Variants in NOTCH2NLR observed in about 807,000 individuals in gnomAD.
NOTCH2NLR encodes the protein notch 2 N-terminal like R (pseudogene).
In NOTCH2NLR, 33 loss-of-function variants were observed where a neutral mutation model predicts 35.6. The observed-to-expected ratio is 0.93, with a 90% CI of 0.70 to 1.24. The LOEUF (loss-of-function observed/expected upper bound fraction) is 1.24. Ranked by LOEUF, NOTCH2NLR falls within the 50% of genes most tolerant of loss-of-function variation. The pLI is 0.00. For synonymous variants in NOTCH2NLR, 103 were observed against 141.0 expected, an observed-to-expected ratio of 0.73 and a Z score of 1.91; for missense variants, 276 against 362.2, an observed-to-expected ratio of 0.76 and a Z score of 1.93.
In NOTCH2NLR at chr1:120,790,382, C is replaced by T. The variant is rs1427661668; in HGVS notation, c.416-2779C>T. On this transcript the variant is annotated intron_variant, in intron 3 of 4. Coordinates refer to ENST00000624419, the Ensembl canonical transcript of NOTCH2NLR. ...TTTAGGAATCATCACAGATCAAGGT[C>T]ATCCTTTTGGTTTTTGTGATAGCAC... Among the ~76,000 whole-genome samples the T allele has an allele frequency of 4.4e-5, 5 of 114,856 alleles. 2 individuals carry two copies. The highest frequency in any genetic ancestry group is 2.6e-4 in the African/African-American group (5 of 19,140). 75.3% of individuals were successfully genotyped at this position (114,856 alleles called of 152,430 possible).
At chr1:120,755,997 T>C (rs1651076387) in intron 1 of NOTCH2NLR, among the ~76,000 whole-genome samples, 1 of 112,374 alleles carries the variant, frequency 8.9e-6, no homozygotes, top group Non-Finnish European at 1.7e-5. Context: ...GACAGATGTT[T>C]CTCCACTTCG....
intron 1 of NOTCH2NLR, among the ~76,000 whole-genome samples, chr1:120,734,388 G>C (rs1269475009): frequency 1.2e-5 from 1 of 81,626 alleles, no homozygotes; most frequent in Non-Finnish European, 2.3e-5. Flanking sequence ...AAACCTATTT[G>C]AAGGATTACA....
rs1258747405 is a variant in NOTCH2NLR at position 120,790,338 on chromosome 1, T to A, written c.416-2823T>A. Among the ~76,000 whole-genome samples, 2 of 113,324 alleles carry A rather than the reference T, an allele frequency of 1.8e-5. 1 individual carries two copies. Among genetic ancestry groups the A allele is most frequent in the African/African-American group, 1.1e-4 (2 of 18,674 alleles). The allele number at this position is 113,324 out of a possible 152,430, so 74.3% of individuals were successfully genotyped here. The stretch of plus-strand genomic sequence containing the variant: ...CGATTCTGATCATCTTTTATACATA[T>A]GCTATTTTTGTCTATCACTTTAGGA... On this transcript the variant is annotated intron_variant, in intron 3 of 4. Coordinates refer to ENST00000624419, the Ensembl canonical transcript of NOTCH2NLR.
chr1:120,770,660 A>T (rs1259825647), intron 2 of NOTCH2NLR, among the ~76,000 whole-genome samples: 1 of 120,688 alleles, frequency 8.3e-6, no homozygotes, highest in Non-Finnish European at 1.6e-5. Flanking sequence ...AAGCTAAGAG[A>T]AGTTAAATAA....
rs1210352983 is a variant in NOTCH2NLR at position 120,767,712 on chromosome 1, G to A, written c.155+4003G>A. ...GTGTAAATATGTAATTAAATTTGAT[G>A]TCATTAATCACTTTCAAGTTGTTGT... is the stretch of plus-strand genomic sequence containing the variant. On this transcript the variant is annotated intron_variant, in intron 2 of 4. Transcript: ENST00000624419. Among the ~76,000 whole-genome samples the A allele has an allele frequency of 2.6e-5, 3 of 114,344 alleles. 1 individual carries two copies. The highest frequency in any genetic ancestry group is 1.7e-5 in the Non-Finnish European group (1 of 60,314). The allele number at this position is 114,344 out of a possible 152,430, so 75.0% of individuals were successfully genotyped here. A position where few individuals can be genotyped will look rare whatever the true frequency, so the allele number is the denominator to read the frequency against.
downstream of NOTCH2NLR, among the ~76,000 whole-genome samples, chr1:120,794,286 C>G (rs1225093281): frequency 9.1e-6 from 1 of 109,802 alleles, no homozygotes; most frequent in Non-Finnish European, 1.7e-5. Flanking sequence ...GAGAAAGGAA[C>G]AAGCTTGGCC....
chr1:120,752,554 ATTTTT>A (rs1188849971), intron 1 of NOTCH2NLR, among the ~76,000 whole-genome samples: 9 of 3,746 alleles, frequency 2.4e-3, no homozygotes, highest in South Asian at 0.012. Context: ...ATATATATAT[ATTTTT>A]TTTTTTTTTT....
chr1:120,790,070 G>T (rs1651467117), intron 3 of NOTCH2NLR, among the ~76,000 whole-genome samples: 2 of 77,506 alleles, frequency 2.6e-5, no homozygotes, highest in Admixed American at 2.8e-4. Context: ...AGGCTGGAGT[G>T]CAGGGCGCAA....
intron 1 of NOTCH2NLR, among the ~76,000 whole-genome samples, chr1:120,742,296 ACT>A (rs1406598552): frequency 1.3e-4 from 2 of 15,664 alleles, no homozygotes; most frequent in Non-Finnish European, 9.9e-5. Flanking sequence ...CTCTGATTTA[ACT>A]CTGTGTGTGT....
chr1:120,724,667 C>CG lies in NOTCH2NLR; in HGVS notation c.73+422dup, dbSNP rs1339250421. On this transcript the variant is annotated intron_variant, in intron 1 of 4. Coordinates refer to ENST00000624419, the Ensembl canonical transcript of NOTCH2NLR. ...GAATGCCAGATTCTGGCGTGGAGAG[C>CG]GGGGGCAGGGCCGCCAAGCCAAACG... Among the ~76,000 whole-genome samples, 13 of 123,974 alleles carry CG rather than the reference C, an allele frequency of 1.0e-4. 4 individuals are homozygous for CG. Among genetic ancestry groups the CG allele is most frequent in the African/African-American group, 4.8e-4 (12 of 25,100 alleles). 81.3% of individuals were successfully genotyped at this position (123,974 alleles called of 152,430 possible). A position where few individuals can be genotyped will look rare whatever the true frequency, so the allele number is the denominator to read the frequency against.
intron 1 of NOTCH2NLR, among the ~76,000 whole-genome samples, chr1:120,727,744 G>A (rs1650831081): frequency 8.7e-6 from 1 of 114,752 alleles, no homozygotes; most frequent in Non-Finnish European, 1.7e-5. Flanking sequence ...GTCTCAGTTC[G>A]AATGCCTAAA....
At position 120,793,180 on chromosome 1, in the gene NOTCH2NLR, C is replaced by T. The variant is rs1249385152; in HGVS notation, c.435C>T (p.Thr145=). 63 of 1,438,372 alleles carry T rather than the reference C, an allele frequency of 4.4e-5. 9 individuals carry two copies. In the South Asian group the frequency reaches 4.5e-4, roughly 10 times the overall value. 89.1% of individuals were successfully genotyped at this position (1,438,372 alleles called of 1,614,324 possible). ...CTTTAGGTAAGGAGTGCCAATGGAC[C>T]GATGCCTGCCTGTCTCATCTCTGTG... Residue 145 remains threonine, a synonymous_variant, in exon 4 of 5, where the codon ACC becomes ACT. Transcript: ENST00000624419.
rs1650792955 is a variant in NOTCH2NLR, at chr1:120,724,423, G to A, written c.73+173G>A. Among the ~76,000 whole-genome samples the A allele has an allele frequency of 2.5e-5, 3 of 120,480 alleles. 1 individual carries two copies. In the East Asian group the frequency reaches 6.3e-4, roughly 25 times the overall value. 79.0% of individuals were successfully genotyped at this position (120,480 alleles called of 152,430 possible). ...GGACATCGCCGGGGGCCCCTCCCGT[G>A]GTGCCCCGCCAACCGCTGGGGTTCC... On this transcript the variant is annotated intron_variant, in intron 1 of 4. Transcript: ENST00000624419.
intron 3 of NOTCH2NLR, among the ~76,000 whole-genome samples, chr1:120,790,442 CAG>C (rs1651474332): frequency 8.6e-6 from 1 of 116,554 alleles, no homozygotes; most frequent in Non-Finnish European, 1.6e-5. Flanking sequence ...CATCTCCACT[CAG>C]AGATGAAGAA....
rs1651519415 is a variant in NOTCH2NLR, at chr1:120,793,549, G to A, written c.751+53G>A. 8 of 1,104,130 alleles carry A rather than the reference G, an allele frequency of 7.2e-6. 1 individual carries two copies. Among genetic ancestry groups the A allele is most frequent in the Non-Finnish European group, 1.0e-5 (8 of 783,704 alleles). The allele number at this position is 1,104,130 out of a possible 1,614,324, so 68.4% of individuals were successfully genotyped here. The stretch of plus-strand genomic sequence containing the variant: ...TAGGGGACAAACCCCTAGCACAGGA[G>A]GTAGTGGGTGTGGCTCAATTGCATT... On this transcript the variant is annotated intron_variant, in intron 4 of 4. Coordinates refer to ENST00000624419, the Ensembl canonical transcript of NOTCH2NLR.
chr1:120,751,733 CT>C (rs1206552487), intron 1 of NOTCH2NLR, among the ~76,000 whole-genome samples: 6 of 5,838 alleles, frequency 1.0e-3, no homozygotes, highest in Admixed American at 7.4e-3. Context: ...TTTTTTCTTT[CT>C]TTTTTTTCTT....
chr1:120,790,221 A>G (rs1357102378), intron 3 of NOTCH2NLR, among the ~76,000 whole-genome samples: 2 of 104,946 alleles, frequency 1.9e-5, no homozygotes, highest in Non-Finnish European at 3.5e-5. Context: ...TCACCTTGTT[A>G]GCCAGAATGG....
rs1395340701 is a variant in NOTCH2NLR, at chr1:120,790,602, CTCTT to C, written c.416-2556_416-2553del. 3.1e-5 allele frequency among the ~76,000 whole-genome samples: 3 copies of C among 97,758 alleles called. 1 individual carries two copies. The highest frequency in any genetic ancestry group is 1.3e-4 in the African/African-American group (2 of 14,842). The allele number at this position is 97,758 out of a possible 152,430, so 64.1% of individuals were successfully genotyped here. A position where few individuals can be genotyped will look rare whatever the true frequency, so the allele number is the denominator to read the frequency against. ...TTTCTTTCTTTCTTTCTCTTTCTCT[CTCTT>C]TCCCTCTCTCTTTCTGTCTTTCTTT... On this transcript the variant is annotated intron_variant, in intron 3 of 4. Transcript: ENST00000624419.
Position 120,789,541 on chromosome 1 carries a change from C to T in NOTCH2NLR, c.416-3620C>T, listed in dbSNP as rs1651460292. Among the ~76,000 whole-genome samples, 3 of 107,578 alleles carry T rather than the reference C, an allele frequency of 2.8e-5. 1 individual carries two copies. Among genetic ancestry groups the T allele is most frequent in the Non-Finnish European group, 5.2e-5 (3 of 58,060 alleles). The allele number at this position is 107,578 out of a possible 152,430, so 70.6% of individuals were successfully genotyped here. On this transcript the variant is annotated intron_variant, in intron 3 of 4. Coordinates refer to ENST00000624419, the Ensembl canonical transcript of NOTCH2NLR. ...CCCATCAGATCTCATGAGACTTATT[C>T]ACTATCATGAGAATAGCACAGGAAA...
Sources: gnomAD v4.1 joint callset for allele counts (sites outside exome capture counted in the v4.1 genomes callset) on GRCh38, gnomAD v4.1.1 for gene constraint, MANE v1.5 for transcripts, NCBI Gene and HGNC (gene_info 2026-07-23, HGNC 2026-07-21) for gene names.